The following C1orf87 variants were observed in gnomAD, a reference collection of about 807,000 sequenced individuals.
C1orf87 encodes chromosome 1 open reading frame 87.
In C1orf87, 58 loss-of-function variants were observed where a neutral mutation model predicts 60.5. The ratio of observed to expected loss-of-function variants is 0.96; its 90% CI spans 0.78 to 1.19. C1orf87 has a LOEUF of 1.19. Ranked by LOEUF, C1orf87 falls within the 50% of genes most tolerant of loss-of-function variation. The probability of loss-of-function intolerance (pLI) is 0.00; values close to 1 mark genes in which losing one functional copy is unlikely to be tolerated. For synonymous variants in C1orf87, 236 were observed against 227.4 expected, an observed-to-expected ratio of 1.04 and a Z score of -0.34; for missense variants, 673 against 638.6, an observed-to-expected ratio of 1.05 and a Z score of -0.58.
chr1:60,026,470 CAGAG>C (rs1645198406), intron 7 of C1orf87, among the ~76,000 whole-genome samples: 1 of 148,806 alleles, frequency 6.7e-6, no homozygotes, highest in Admixed American at 6.8e-5. Flanking sequence ...AGAGAGGAAG[CAGAG>C]AGAGAGGAAA....
chr1:60,055,838 C>T (rs2100320158), intron 2 of C1orf87, among the ~76,000 whole-genome samples: 1 of 152,208 alleles, frequency 6.6e-6, no homozygotes, highest in East Asian at 1.9e-4. Context: ...ATGCCTCTCC[C>T]CTTGAGACTT....
At chr1:60,064,879 G>A (rs12047276) in intron 2 of C1orf87, among the ~76,000 whole-genome samples, 35,039 of 82,054 alleles carry the variant, frequency 0.43, 7,400 homozygotes, top group South Asian at 0.52. Context: ...ATATATATTT[G>A]TTCTAAATAA....
intron 11 of C1orf87, among the ~76,000 whole-genome samples, chr1:59,995,252 T>C (rs951147270): frequency 6.6e-6 from 1 of 152,160 alleles, no homozygotes; most frequent in South Asian, 2.1e-4. Context: ...TTAAAAAATG[T>C]TTTGTTATTG....
intron 9 of C1orf87, among the ~76,000 whole-genome samples, chr1:60,004,517 C>G (rs188709992): frequency 6.6e-5 from 10 of 152,060 alleles, no homozygotes; most frequent in African/African-American, 2.4e-4. Context: ...AGCCCCATTC[C>G]TCTCTACCGT....
intron 2 of C1orf87, among the ~76,000 whole-genome samples, chr1:60,067,896 T>C (rs1205291429): frequency 1.3e-5 from 2 of 152,150 alleles, no homozygotes; most frequent in Non-Finnish European, 1.5e-5. Context: ...AGTTAATTTT[T>C]GTATAAGGTA....
chr1:60,061,745 C>A (rs972397325), intron 2 of C1orf87, among the ~76,000 whole-genome samples: 2 of 134,144 alleles, frequency 1.5e-5, no homozygotes, highest in African/African-American at 2.8e-5. Flanking sequence ...TCCAGACCAG[C>A]CTGGACAACA....
At chr1:60,005,463 T>A (rs76089012) in intron 9 of C1orf87, among the ~76,000 whole-genome samples, 9 of 152,054 alleles carry the variant, frequency 5.9e-5, no homozygotes, top group Non-Finnish European at 8.8e-5. Context: ...GATTAGGGGA[T>A]GGAAAGTAAT....
In C1orf87 at chr1:60,001,057, T is replaced by C; in HGVS notation, c.1272+20A>G. The C allele has an allele frequency of 6.3e-7, 1 of 1,594,848 alleles. No individual in the cohort carries two copies. Among genetic ancestry groups the C allele is most frequent in the Non-Finnish European group, 8.6e-7 (1 of 1,164,772 alleles). ...TCCATGAAAACCTTCCCCCAAACTC[T>C]ATATACCCCAGGTGCATACCATATG... On this transcript the variant is annotated intron_variant, in intron 10 of 11. Transcript: ENST00000371201.
intron 3 of C1orf87, 32 bp downstream of exon 3, chr1:60,055,172 C>G (rs1314439276): frequency 6.6e-7 from 1 of 1,518,158 alleles, no homozygotes; most frequent in Non-Finnish European, 9.1e-7. Context: ...AATAAATTAT[C>G]AAGATAAACG....
At chr1:59,993,145 T>C (rs1644936470) in intron 11 of C1orf87, among the ~76,000 whole-genome samples, 1 of 152,152 alleles carries the variant, frequency 6.6e-6, no homozygotes, top group South Asian at 2.1e-4. Flanking sequence ...CATTTGAGCC[T>C]GGGAGGTCGA....
intron 3 of C1orf87, among the ~76,000 whole-genome samples, chr1:60,051,675 T>C (rs1384098047): frequency 6.6e-6 from 1 of 152,222 alleles, no homozygotes; most frequent in Admixed American, 6.5e-5. Context: ...TCACAATAGC[T>C]GACCAATACA....
rs1175278964 is a variant in C1orf87 at position 60,003,963 on chromosome 1, C to T, written c.1193-2807G>A. Among the ~76,000 whole-genome samples the T allele has an allele frequency of 3.3e-5, 5 of 152,070 alleles. No homozygotes were observed. The East Asian group carries it at 9.7e-4, about 29-fold the overall frequency. ...GTATGATGGCATCCAGTTAGGGCGG[C>T]CTTTTGAGGCAGATCTTATTTGATC... On this transcript the variant is annotated intron_variant, in intron 9 of 11. Transcript: ENST00000371201.
intron 2 of C1orf87, among the ~76,000 whole-genome samples, chr1:60,062,397 C>T (rs968991467): frequency 6.6e-6 from 1 of 152,118 alleles, no homozygotes; most frequent in Non-Finnish European, 1.5e-5. Context: ...TTCATAGATA[C>T]AGATCTTATG....
At chr1:60,004,031 T>C (rs1400149434) in intron 9 of C1orf87, among the ~76,000 whole-genome samples, 1 of 152,100 alleles carries the variant, frequency 6.6e-6, no homozygotes, top group Non-Finnish European at 1.5e-5. Flanking sequence ...CCTCAACTAG[T>C]AGCATTGGCT....
intron 7 of C1orf87, among the ~76,000 whole-genome samples, chr1:60,028,565 ATC>A (rs1645215336): frequency 6.6e-6 from 1 of 152,194 alleles, no homozygotes; most frequent in Non-Finnish European, 1.5e-5. Context: ...TAAATAAAAT[ATC>A]TGTTATTAAA....
chr1:60,068,813 T>C (rs1645565672), intron 2 of C1orf87, among the ~76,000 whole-genome samples: 1 of 152,208 alleles, frequency 6.6e-6, no homozygotes, highest in Non-Finnish European at 1.5e-5. Context: ...GTGATATTAT[T>C]ACTAGCTCCT....
rs1484617946 is a variant in C1orf87, at chr1:60,033,513, T to C, written c.992A>G (p.Glu331Gly). 1.2e-6 allele frequency: 2 copies of C among 1,613,910 alleles called. No homozygotes were observed. The highest frequency in any genetic ancestry group is 4.5e-5 in the East Asian group (2 of 44,880). Residue 331 changes from glutamate (E) to glycine (G), a missense_variant, in exon 7 of 12, where the codon GAA becomes GGA. Glu to Gly is a moderately conservative substitution (Grantham distance 98, BLOSUM62 -2). Transcript: ENST00000371201. ...IDNLNLSFRK[E>G]DRSFSGCLPL... ...GAGGCAGCCAGAGAACGAGCGATCT[T>C]CTTTTCGAAAACTCAGATTGAGATT...
chr1:60,000,918 CT>C (rs1644998285), intron 10 of C1orf87, among the ~76,000 whole-genome samples, 158 bp downstream of exon 10: 1 of 151,972 alleles, frequency 6.6e-6, no homozygotes, highest in African/African-American at 2.4e-5. Context: ...CTTTTGCCTC[CT>C]TCTTTGCCCA....
At chr1:60,030,630 G>A (rs1348377719) in intron 7 of C1orf87, among the ~76,000 whole-genome samples, 1 of 152,242 alleles carries the variant, frequency 6.6e-6, no homozygotes, top group Non-Finnish European at 1.5e-5. Context: ...GAGTTCAAAT[G>A]TTGAAGAATA....
Sources: gnomAD v4.1 joint callset for allele counts (sites outside exome capture counted in the v4.1 genomes callset) on GRCh38, gnomAD v4.1.1 for gene constraint, MANE v1.5 for transcripts, NCBI Gene and HGNC (gene_info 2026-07-23, HGNC 2026-07-21) for gene names.